The following PSD4 variants were observed in gnomAD, a reference collection of about 807,000 sequenced individuals.
The protein encoded by PSD4 is PH and SEC7 domain-containing protein 4.
In PSD4, 59 loss-of-function variants were observed where a neutral mutation model predicts 112.5. The observed-to-expected ratio is 0.52, with a 90% CI of 0.43 to 0.65. PSD4 has a LOEUF of 0.65. PSD4 is among the 30% of genes least tolerant of loss of function. The pLI, the probability that PSD4 is intolerant of heterozygous loss-of-function variation, is 0.00. For synonymous variants in PSD4, 533 were observed against 540.0 expected, an observed-to-expected ratio of 0.99 and a Z score of 0.18; for missense variants, 1,267 against 1,352.6, an observed-to-expected ratio of 0.94 and a Z score of 0.99.
chr2:113,192,989 C>A, intron 6 of PSD4, 59 bp from the exon 7 acceptor site: 2 of 1,533,280 alleles, frequency 1.3e-6, no homozygotes, highest in Non-Finnish European at 1.8e-6. Context: ...GGCCCCAGTG[C>A]ATCTGCAGCC....
At chr2:113,178,649 C>T (rs749108993) in intron 1 of PSD4, among the ~76,000 whole-genome samples, 1 of 152,058 alleles carries the variant, frequency 6.6e-6, no homozygotes, top group Non-Finnish European at 1.5e-5. Context: ...GGCCCAGCCC[C>T]GCATTCCCAC....
At chr2:113,199,020 C>G (rs997964419) in intron 15 of PSD4, 63 bp from the exon 16 acceptor site, 1 of 1,510,020 alleles carries the variant, frequency 6.6e-7, no homozygotes, top group Non-Finnish European at 8.8e-7. Context: ...GCGGCGCGCC[C>G]GGGCCCGGAA....
At chr2:113,194,407 A>T (rs1385987207) in intron 10 of PSD4, among the ~76,000 whole-genome samples, 1 of 152,240 alleles carries the variant, frequency 6.6e-6, no homozygotes, top group East Asian at 1.9e-4. Flanking sequence ...CATTATCAAG[A>T]TGAAATGAAA....
intron 5 of PSD4, 31 bp from the exon 6 acceptor site, chr2:113,192,349 T>A (rs566412557): frequency 6.2e-7 from 1 of 1,603,946 alleles, no homozygotes; most frequent in African/African-American, 1.3e-5. Flanking sequence ...CAAGAACACT[T>A]GACCCAGAGC....
intron 1 of PSD4, among the ~76,000 whole-genome samples, chr2:113,181,878 T>A (rs1274252539): frequency 6.6e-6 from 1 of 152,216 alleles, no homozygotes; most frequent in Non-Finnish European, 1.5e-5. Flanking sequence ...TGCCTGCTTC[T>A]TCCATGAGTC....
rs980718798 is a variant in PSD4 at position 113,195,851 on chromosome 2, G to A, written c.2225+81G>A. 8 of 1,566,968 alleles carry A rather than the reference G, an allele frequency of 5.1e-6. No homozygotes were observed. The African/African-American group carries it at 9.5e-5, about 19-fold the overall frequency. On this transcript the variant is annotated intron_variant, in intron 11 of 16. Coordinates refer to ENST00000245796, the MANE Select transcript of PSD4 (RefSeq NM_012455.3). ...TGTCCTCCCTCTGTCACCCACCCGA[G>A]AGTTAGAGAAACTCAGATAGTGCTC... is the stretch of plus-strand genomic sequence containing the variant.
At chr2:113,192,957 C>T in intron 6 of PSD4, 91 bp from the exon 7 acceptor site, 3 of 1,280,604 alleles carry the variant, frequency 2.3e-6, no homozygotes, top group Non-Finnish European at 3.3e-6. Context: ...ACCCCCACCG[C>T]ATAATGTGTG....
chr2:113,206,945 T>C lies in PSD4; in HGVS notation c.*5530T>C, dbSNP rs1408692684. ...CTGAATAATCTGTATCCAGGTCAGG[T>C]GAGGCTTCATCTCGGGCTTCACTCT... On this transcript the variant is annotated 3_prime_UTR_variant, in exon 17 of 17. Transcript: ENST00000245796. The C allele has an allele frequency of 6.6e-6, 1 of 152,298 alleles. No individual in the cohort carries two copies. Among genetic ancestry groups the C allele is most frequent in the South Asian group, 2.1e-4 (1 of 4,826 alleles). 9.4% of individuals were successfully genotyped at this position (152,298 alleles called of 1,614,324 possible).
At chr2:113,190,641 C>T (rs1366905802) in intron 5 of PSD4, among the ~76,000 whole-genome samples, 1 of 152,164 alleles carries the variant, frequency 6.6e-6, no homozygotes, top group Non-Finnish European at 1.5e-5. Context: ...TGTGGTCTCA[C>T]CATGTTGCCC....
At position 113,183,484 on chromosome 2, in the gene PSD4, C is replaced by T; in HGVS notation, c.1028C>T (p.Ala343Val). 2 of 1,587,846 alleles carry T rather than the reference C, an allele frequency of 1.3e-6. No individual in the cohort carries two copies. Among genetic ancestry groups the T allele is most frequent in the South Asian group, 1.2e-5 (1 of 86,328 alleles). ...GTGGCTGCCGCTGAGGGGGCTCCTG[C>T]AGCACCTCCTGGTCACGGGGAGAGT... ...ASVAAAEGAP[A>V]APPGHGESEG... Residue 343 changes from alanine to valine, a missense_variant, in exon 2 of 17, where the codon GCA becomes GTA. By Grantham distance (64) the Ala-to-Val change is moderately conservative (BLOSUM62 0). This residue lies in a region of PSD4 where 723 missense variants were observed against 704.0 expected (regional missense o/e 1.03). Coordinates refer to ENST00000245796, the MANE Select transcript of PSD4 (RefSeq NM_012455.3).
chr2:113,201,119 C>T (rs1158015672), intron 16 of PSD4, 39 bp from the exon 17 acceptor site: 1 of 1,565,532 alleles, frequency 6.4e-7, no homozygotes, highest in Non-Finnish European at 8.7e-7. Context: ...CAACCTGGAG[C>T]CAGGATGGTG....
intron 1 of PSD4, among the ~76,000 whole-genome samples, chr2:113,180,169 G>T (rs1688089273): frequency 6.6e-6 from 1 of 152,188 alleles, no homozygotes; most frequent in Non-Finnish European, 1.5e-5. Context: ...TCGTGAGAGA[G>T]CGCTGAGGGT....
Position 113,201,524 on chromosome 2 carries a change from C to T in PSD4, c.*109C>T. 7.1e-7 allele frequency: 1 copy of T among 1,416,184 alleles called. No individual in the cohort carries two copies. Among genetic ancestry groups the T allele is most frequent in the Non-Finnish European group, 9.6e-7 (1 of 1,044,716 alleles). 87.7% of individuals were successfully genotyped at this position (1,416,184 alleles called of 1,614,324 possible). A position where few individuals can be genotyped will look rare whatever the true frequency, so the allele number is the denominator to read the frequency against. ...GTCCACCATGACGGATGAGGCACCTCCTTTCCCTGCTGAAGGACAAACCTT... is the reference window on the plus strand; with the variant it reads ...GTCCACCATGACGGATGAGGCACCTTCTTTCCCTGCTGAAGGACAAACCTT... On this transcript the variant is annotated 3_prime_UTR_variant, in exon 17 of 17. Transcript: ENST00000245796.
At chr2:113,188,173 T>C (rs1688349888) in intron 5 of PSD4, among the ~76,000 whole-genome samples, 1 of 152,178 alleles carries the variant, frequency 6.6e-6, no homozygotes, top group African/African-American at 2.4e-5. Flanking sequence ...ACTAAAATAA[T>C]ACTTAGATGA....
At position 113,192,439 on chromosome 2, in the gene PSD4, C is replaced by A. The variant is rs1363266794; in HGVS notation, c.1688C>A (p.Ala563Glu). 1.2e-6 allele frequency: 2 copies of A among 1,614,260 alleles called. No homozygotes were observed. Among genetic ancestry groups the A allele is most frequent in the Admixed American group, 3.3e-5 (2 of 60,032 alleles). ...SWLPGSPMPQ[A>E]QSPEEGQRPP... ...CTTCCTGGGAGCCCTATGCCCCAAG[C>A]ACAGTCCCCAGAGGAAGGCCAGAGA... The change falls in exon 6 of 17, where the codon GCA (alanine) becomes GAA (glutamate). Residue 563 changes from alanine (A) to glutamate (E), a missense_variant. This residue lies in a region of PSD4 where 723 missense variants were observed against 704.0 expected (regional missense o/e 1.03). Transcript: ENST00000245796.
Position 113,197,771 on chromosome 2 carries a change from G to T in PSD4, c.2482G>T (p.Gly828Trp), listed in dbSNP as rs780617813. 3.7e-6 allele frequency: 6 copies of T among 1,610,628 alleles called. No individual in the cohort carries two copies. The East Asian group carries it at 8.9e-5, about 24-fold the overall frequency. Residue 828 changes from glycine (G) to tryptophan (W), a missense_variant, in exon 14 of 17, where the codon GGG becomes TGG. By Grantham distance (184) the Gly-to-Trp change is radical. Transcript: ENST00000245796. ...GCAGGGAGAAGACCACTGTCTGGAG[G>T]GGGAGAGCTTGGTGGGGCAGATGGT... ...LKQGEDHCLEGESLVGQMVDE... is the reference protein window; with the variant it reads ...LKQGEDHCLEWESLVGQMVDE...
chr2:113,182,649 C>T lies in PSD4; in HGVS notation c.193C>T (p.Pro65Ser), dbSNP rs1688171837. 6.2e-7 allele frequency: 1 copy of T among 1,613,868 alleles called. No homozygotes were observed. ...PPEPTRQNVP[P>S]WGSGVELTHL... ...TGAACCTACCAGACAAAATGTTCCT[C>T]CCTGGGGCTCCGGTGTGGAGCTCAC... The change falls in exon 2 of 17, where the codon CCC becomes TCC. Residue 65 changes from proline to serine, a missense_variant. Pro to Ser is a moderately conservative substitution (Grantham distance 74, BLOSUM62 -1). This residue lies in a region of PSD4 where 723 missense variants were observed against 704.0 expected (regional missense o/e 1.03). Transcript: ENST00000245796.
At chr2:113,175,070 G>A (rs552931163) in intron 1 of PSD4, among the ~76,000 whole-genome samples, 3 of 152,274 alleles carry the variant, frequency 2.0e-5, no homozygotes, top group East Asian at 3.9e-4. Flanking sequence ...AACACAGGCT[G>A]CTGAGCTCTT....
intron 16 of PSD4, among the ~76,000 whole-genome samples, chr2:113,200,178 C>A (rs1033755908): frequency 6.6e-6 from 1 of 152,168 alleles, no homozygotes; most frequent in Non-Finnish European, 1.5e-5. Context: ...ATCCCTTAGT[C>A]TCCCCCAACC....
Sources: allele counts gnomAD v4.1 joint callset (sites outside exome capture counted in the v4.1 genomes callset), GRCh38; gene constraint gnomAD v4.1.1; regional missense constraint gnomAD v4.1.1; transcripts MANE v1.5; gene names NCBI Gene and HGNC (gene_info 2026-07-23, HGNC 2026-07-21).